Variants in IMPACT observed in about 807,000 individuals in gnomAD.
IMPACT encodes impact RWD domain protein.
In IMPACT, 35 loss-of-function variants were observed where a neutral mutation model predicts 47.5. The ratio of observed to expected loss-of-function variants is 0.74; its 90% CI spans 0.56 to 0.98. The LOEUF is 0.98. Ranked by LOEUF, IMPACT falls within the 50% of genes least tolerant of loss-of-function variation. The pLI is 0.00. For missense variants in IMPACT, 373 were observed against 394.8 expected, an observed-to-expected ratio of 0.94 and a Z score of 0.47; for synonymous variants, 118 against 125.6, an observed-to-expected ratio of 0.94 and a Z score of 0.40.
intron 6 of IMPACT, among the ~76,000 whole-genome samples, chr18:24,442,092 G>C (rs1178983055): frequency 6.6e-6 from 1 of 151,692 alleles, no homozygotes; most frequent in African/African-American, 2.4e-5. Context: ...AAGTGAGGCA[G>C]GTAGTAGTAG....
chr18:24,427,769 T>C (rs1908650200), intron 1 of IMPACT, 150 bp from the exon 2 acceptor site: 1 of 657,428 alleles, frequency 1.5e-6, no homozygotes, highest in South Asian at 2.2e-5. Flanking sequence ...CATGGTGACC[T>C]GCTCTTAAGA....
rs764767695 is a variant in IMPACT, at chr18:24,430,398, G to A, written c.281+14G>A. ...GGAAATATATATGTAAGTGACAGGCGATTTTTTAAAATAATTCTGTTAGTG... is the reference window on the plus strand; with the variant it reads ...GGAAATATATATGTAAGTGACAGGCAATTTTTTAAAATAATTCTGTTAGTG... On this transcript the variant is annotated intron_variant, in intron 4 of 10. Transcript: ENST00000284202. The A allele has an allele frequency of 5.7e-6, 9 of 1,571,868 alleles. No individual in the cohort carries two copies. The East Asian group carries it at 1.1e-4, about 20-fold the overall frequency.
chr18:24,444,652 T>G (rs1486590300), intron 7 of IMPACT, among the ~76,000 whole-genome samples: 1 of 152,266 alleles, frequency 6.6e-6, no homozygotes, highest in Admixed American at 6.5e-5. Context: ...TTAAGCTGTG[T>G]AAAGCTTCCT....
rs1208165936 is a variant in IMPACT, at chr18:24,427,936, A to C, written c.54A>C (p.Ala18=). ...SDQRQNEEIE[A]MAAIYGEEWC... ...TCTTTCAGAATGAGGAAATTGAAGC[A>C]ATGGCAGCCATTTATGGCGAGGAGT... The change falls in exon 2 of 11, where the codon GCA becomes GCC. Residue 18 remains alanine (A), a synonymous_variant. Coordinates refer to ENST00000284202, the MANE Select transcript of IMPACT (RefSeq NM_018439.4). The C allele has an allele frequency of 1.0e-5, 16 of 1,595,398 alleles. 1 individual carries two copies. The South Asian group carries it at 1.7e-4, about 17-fold the overall frequency.
intron 4 of IMPACT, among the ~76,000 whole-genome samples, chr18:24,432,009 A>C (rs1466218500): frequency 6.6e-6 from 1 of 152,030 alleles, no homozygotes; most frequent in Non-Finnish European, 1.5e-5. Flanking sequence ...GCCTTCAGCT[A>C]ATTTTTTTAA....
chr18:24,442,655 G>C (rs1163744427), intron 6 of IMPACT, among the ~76,000 whole-genome samples: 1 of 152,158 alleles, frequency 6.6e-6, no homozygotes, highest in Non-Finnish European at 1.5e-5. Flanking sequence ...TCTAACAACA[G>C]TGAAACTGAT....
At chr18:24,439,098 T>C (rs1002812951) in intron 5 of IMPACT, among the ~76,000 whole-genome samples, 1 of 152,160 alleles carries the variant, frequency 6.6e-6, no homozygotes, top group Admixed American at 6.5e-5. Flanking sequence ...GGTCAGTCTT[T>C]TAATGTTAAG....
At chr18:24,428,162 C>T (rs1908662452) in intron 2 of IMPACT, 115 bp downstream of exon 2, 3 of 995,152 alleles carry the variant, frequency 3.0e-6, no homozygotes, top group African/African-American at 1.7e-5. Flanking sequence ...CTTGGCTTTT[C>T]TCAATGATTA....
At chr18:24,448,295 A>T in intron 9 of IMPACT, 112 bp downstream of exon 9, 1 of 584,554 alleles carries the variant, frequency 1.7e-6, no homozygotes, top group Non-Finnish European at 3.0e-6. Flanking sequence ...AACATAAGAT[A>T]TATTTGATTT....
Position 24,452,386 on chromosome 18 carries a change from C to G in IMPACT, c.*1539C>G, listed in dbSNP as rs540903555. 4.6e-5 allele frequency: 7 copies of G among 151,904 alleles called. No individual in the cohort carries two copies. Among genetic ancestry groups the G allele is most frequent in the Non-Finnish European group, 7.4e-5 (5 of 67,992 alleles). 9.4% of individuals were successfully genotyped at this position (151,904 alleles called of 1,614,324 possible). A position where few individuals can be genotyped will look rare whatever the true frequency, so the allele number is the denominator to read the frequency against. On this transcript the variant is annotated 3_prime_UTR_variant, in exon 11 of 11. Coordinates refer to ENST00000284202, the MANE Select transcript of IMPACT (RefSeq NM_018439.4). ...ATGAAAAGTATGCTTTGTGTTTTAA[C>G]TGTTAAAATAATTTAAAAATTAATT...
At chr18:24,433,712 C>A (rs187901677) in intron 4 of IMPACT, among the ~76,000 whole-genome samples, 1 of 149,284 alleles carries the variant, frequency 6.7e-6, no homozygotes, top group East Asian at 2.0e-4. Context: ...GCTCTGTTGC[C>A]CAGGCTGGAG....
chr18:24,440,655 G>T, intron 6 of IMPACT, 37 bp downstream of exon 6: 1 of 1,561,464 alleles, frequency 6.4e-7, no homozygotes, highest in Non-Finnish European at 8.7e-7. Flanking sequence ...TGAGGAGAGT[G>T]GGTTGGTAGT....
intron 6 of IMPACT, 54 bp from the exon 7 acceptor site, chr18:24,442,995 T>C: frequency 1.1e-6 from 1 of 911,080 alleles, no homozygotes; most frequent in Non-Finnish European, 1.7e-6. Flanking sequence ...TTCATTTTTT[T>C]CAGTATTTGA....
At chr18:24,429,007 A>G in intron 3 of IMPACT, 86 bp downstream of exon 3, 5 of 848,518 alleles carry the variant, frequency 5.9e-6, no homozygotes, top group South Asian at 3.4e-5. Flanking sequence ...TACATAAAAT[A>G]CCTTTCTTAT....
chr18:24,436,057 G>A (rs1362452166), intron 4 of IMPACT, among the ~76,000 whole-genome samples: 1 of 152,156 alleles, frequency 6.6e-6, no homozygotes, highest in Non-Finnish European at 1.5e-5. Context: ...AGGGAGGTAA[G>A]GGCCTAGAGT....
At chr18:24,450,094 C>A in intron 10 of IMPACT, 141 bp downstream of exon 10, 1 of 826,870 alleles carries the variant, frequency 1.2e-6, no homozygotes, top group Non-Finnish European at 1.9e-6. Context: ...GAGACCTAGA[C>A]TCTAAACAGT....
At chr18:24,426,822 A>T in intron 1 of IMPACT, 30 bp downstream of exon 1, 1 of 1,233,864 alleles carries the variant, frequency 8.1e-7, no homozygotes, top group Non-Finnish European at 1.0e-6. Context: ...CTGTCTCTCC[A>T]GGCTCGGCTC....
At chr18:24,428,775 CCTT>C in intron 2 of IMPACT, 91 bp from the exon 3 acceptor site, 2 of 880,932 alleles carry the variant, frequency 2.3e-6, no homozygotes, top group Admixed American at 5.0e-5. Flanking sequence ...TCTCTGTCCT[CCTT>C]GCCTTTTTTG....
chr18:24,447,475 G>C (rs1909275954), intron 8 of IMPACT, among the ~76,000 whole-genome samples: 1 of 151,878 alleles, frequency 6.6e-6, no homozygotes, highest in Non-Finnish European at 1.5e-5. Context: ...TAGCTTTCTA[G>C]TTTAAATGGA....
Sources: gnomAD v4.1 joint callset for allele counts (sites outside exome capture counted in the v4.1 genomes callset) on GRCh38, gnomAD v4.1.1 for gene constraint, MANE v1.5 for transcripts, NCBI Gene and HGNC (gene_info 2026-07-23, HGNC 2026-07-21) for gene names.